DOCK1: variants seen among roughly 807,000 people sequenced by gnomAD.
DOCK1 encodes dedicator of cytokinesis 1, also known as dedicator of cytokinesis protein 1.
In DOCK1, 138 loss-of-function variants were observed where a neutral mutation model predicts 262.7. That is an observed-to-expected ratio of 0.53 (90% CI 0.46 to 0.61). The LOEUF (loss-of-function observed/expected upper bound fraction) is 0.61, where lower values mean the gene tolerates loss of function less well. Among genes scored for constraint, DOCK1 ranks in the 20% least tolerant of loss-of-function variants. The probability of loss-of-function intolerance (pLI) is 0.00; values close to 1 mark genes in which losing one functional copy is unlikely to be tolerated. For missense variants in DOCK1, 1,908 were observed against 2,370.7 expected (o/e 0.80, Z 4.05); for synonymous variants, 866 against 867.4 (o/e 1.00, Z 0.03).
chr10:126,926,120 A>G (rs1165664283), intron 1 of DOCK1, among the ~76,000 whole-genome samples: 2 of 152,088 alleles, frequency 1.3e-5, no homozygotes, highest in Non-Finnish European at 2.9e-5. Context: ...TAGGGGTAAA[A>G]TGTTCAGCAT....
At chr10:126,948,570 G>A (rs1423860464) in intron 1 of DOCK1, among the ~76,000 whole-genome samples, 1 of 151,888 alleles carries the variant, frequency 6.6e-6, no homozygotes, top group East Asian at 1.9e-4. Context: ...GGTCGGGATA[G>A]GCACCCTGAA....
chr10:126,930,715 A>G (rs2034124282), intron 1 of DOCK1, among the ~76,000 whole-genome samples: 1 of 152,222 alleles, frequency 6.6e-6, no homozygotes, highest in Admixed American at 6.5e-5. Context: ...AGGTTTTGCC[A>G]AGGTTGGCAT....
chr10:127,026,211 A>G (rs747323887), intron 15 of DOCK1, 141 bp from the exon 16 acceptor site: 4 of 821,550 alleles, frequency 4.9e-6, no homozygotes, highest in East Asian at 2.8e-5. Flanking sequence ...TGGAAAAATC[A>G]TATAGGGGAC....
chr10:127,341,042 A>C (rs1213204223), intron 30 of DOCK1, among the ~76,000 whole-genome samples: 2 of 152,066 alleles, frequency 1.3e-5, no homozygotes, highest in African/African-American at 2.4e-5. Flanking sequence ...TATACTTCTA[A>C]ATTTTACTGT....
intron 38 of DOCK1, among the ~76,000 whole-genome samples, 183 bp from the exon 39 acceptor site, chr10:127,402,872 G>A (rs376316971): frequency 2.0e-5 from 3 of 152,230 alleles, no homozygotes; most frequent in East Asian, 3.8e-4. Flanking sequence ...AGCTGATGCC[G>A]CAGGTCACGA....
intron 27 of DOCK1, among the ~76,000 whole-genome samples, chr10:127,223,033 T>A (rs1199796680): frequency 6.6e-6 from 1 of 152,180 alleles, no homozygotes; most frequent in Non-Finnish European, 1.5e-5. Flanking sequence ...AAATAAGTTT[T>A]AAAAAATTGT....
intron 25 of DOCK1, among the ~76,000 whole-genome samples, chr10:127,112,685 G>T (rs1201375110): frequency 6.6e-6 from 1 of 152,194 alleles, no homozygotes; most frequent in Admixed American, 6.5e-5. Context: ...TGAAATATAT[G>T]AATCCCAAAT....
At chr10:127,353,413 A>C (rs965499410) in intron 31 of DOCK1, among the ~76,000 whole-genome samples, 4 of 152,240 alleles carry the variant, frequency 2.6e-5, no homozygotes, top group Admixed American at 6.5e-5. Context: ...GGGGGGCGTG[A>C]GTTATGCAGG....
At chr10:127,253,994 C>T (rs1453550800) in intron 28 of DOCK1, among the ~76,000 whole-genome samples, 3 of 152,066 alleles carry the variant, frequency 2.0e-5, no homozygotes, top group African/African-American at 7.2e-5. Flanking sequence ...TACAGCCAAC[C>T]CCTTTCAGTC....
At chr10:126,923,314 G>A (rs1173403452) in intron 1 of DOCK1, among the ~76,000 whole-genome samples, 1 of 152,104 alleles carries the variant, frequency 6.6e-6, no homozygotes, top group Admixed American at 6.5e-5. Flanking sequence ...CTATATTAAA[G>A]TTAAAAGGAT....
chr10:126,975,354 T>A (rs2038443903), intron 2 of DOCK1, among the ~76,000 whole-genome samples: 1 of 152,156 alleles, frequency 6.6e-6, no homozygotes, highest in Non-Finnish European at 1.5e-5. Flanking sequence ...TTGGGCTGCG[T>A]TCCCAGGAGG....
At chr10:127,323,870 T>C (rs192893623) in intron 29 of DOCK1, among the ~76,000 whole-genome samples, 4 of 152,346 alleles carry the variant, frequency 2.6e-5, no homozygotes, top group African/African-American at 7.2e-5. Context: ...CTGTGCTGCA[T>C]TTGGCATCTG....
At chr10:127,119,032 C>T (rs967382322) in intron 25 of DOCK1, among the ~76,000 whole-genome samples, 3 of 143,414 alleles carry the variant, frequency 2.1e-5, no homozygotes, top group African/African-American at 7.7e-5. Context: ...TCTGGGGGCT[C>T]CAGCTGAGGA....
chr10:127,293,487 C>A (rs2061410964), intron 29 of DOCK1, among the ~76,000 whole-genome samples: 1 of 152,180 alleles, frequency 6.6e-6, no homozygotes, highest in South Asian at 2.1e-4. Context: ...GTACACAGAG[C>A]CCAGACTGGT....
chr10:126,953,443 C>T (rs2036490295), intron 1 of DOCK1, among the ~76,000 whole-genome samples: 1 of 132,780 alleles, frequency 7.5e-6, no homozygotes, highest in Non-Finnish European at 1.6e-5. Flanking sequence ...GTGGTGATGG[C>T]GGTGGAGGTG....
chr10:126,973,412 A>G (rs1484820269), intron 2 of DOCK1, among the ~76,000 whole-genome samples: 1 of 152,060 alleles, frequency 6.6e-6, no homozygotes, highest in African/African-American at 2.4e-5. Context: ...TGTTTTTTAA[A>G]CAGTGGACTC....
chr10:127,259,120 G>T (rs2134973626), intron 29 of DOCK1, among the ~76,000 whole-genome samples: 1 of 152,320 alleles, frequency 6.6e-6, no homozygotes, highest in East Asian at 1.9e-4. Context: ...GATGGCATCT[G>T]AGAGTAGATG....
intron 18 of DOCK1, among the ~76,000 whole-genome samples, chr10:127,033,692 G>T (rs150854116): frequency 6.6e-6 from 1 of 152,284 alleles, no homozygotes; most frequent in East Asian, 1.9e-4. Flanking sequence ...GACAGTCATC[G>T]TTTGGACTTT....
At chr10:127,318,262 G>C (rs923855859) in intron 29 of DOCK1, among the ~76,000 whole-genome samples, 2 of 152,224 alleles carry the variant, frequency 1.3e-5, no homozygotes, top group Non-Finnish European at 2.9e-5. Context: ...AGCCAGCACA[G>C]GTGTGGAGCC....
Sources: gnomAD v4.1 joint callset for allele counts (sites outside exome capture counted in the v4.1 genomes callset) on GRCh38, gnomAD v4.1.1 for gene constraint, MANE v1.5 for transcripts, NCBI Gene and HGNC (gene_info 2026-07-23, HGNC 2026-07-21) for gene names.